Variants in CFAP61 observed in about 807,000 individuals in gnomAD.
CFAP61 encodes the protein cilia and flagella associated protein 61, also known as cilia- and flagella-associated protein 61.
Under a neutral mutation model 135.6 loss-of-function variants are expected in CFAP61, and 107 were observed. The observed-to-expected ratio is 0.79, with a 90% CI of 0.67 to 0.93. The LOEUF is 0.93. Ranked by LOEUF, CFAP61 falls within the 40% of genes least tolerant of loss-of-function variation. The pLI, the probability that CFAP61 is intolerant of heterozygous loss-of-function variation, is 0.00. For synonymous variants in CFAP61, 575 were observed against 578.5 expected (o/e 0.99, Z 0.09); for missense variants, 1,507 against 1,556.2 (o/e 0.97, Z 0.53).
chr20:20,304,880 A>AC (rs1231773382), intron 25 of CFAP61, among the ~76,000 whole-genome samples: 1 of 151,520 alleles, frequency 6.6e-6, no homozygotes, highest in Admixed American at 6.6e-5. Flanking sequence ...ATCGTCTTTC[A>AC]CCCCCACTTA....
chr20:20,111,568 G>A (rs1316065228), intron 8 of CFAP61, among the ~76,000 whole-genome samples: 1 of 152,006 alleles, frequency 6.6e-6, no homozygotes, highest in African/African-American at 2.4e-5. Flanking sequence ...TCTAATCCTT[G>A]GTCATAACCA....
intron 6 of CFAP61, chr20:20,085,579 T>C (rs2046743653): frequency 7.8e-7 from 1 of 1,285,946 alleles, no homozygotes; most frequent in Non-Finnish European, 1.1e-6. Flanking sequence ...CTGAGGTTCA[T>C]GAGCAGGCCT....
intron 13 of CFAP61, among the ~76,000 whole-genome samples, chr20:20,186,070 A>G (rs1040584): frequency 0.9 from 137,613 of 152,232 alleles, 63,029 homozygotes; most frequent in Middle Eastern, 0.99. Flanking sequence ...GTACAATTCA[A>G]TGGTTTGTAG....
At chr20:20,265,994 C>A (rs2052706841) in intron 21 of CFAP61, among the ~76,000 whole-genome samples, 1 of 152,178 alleles carries the variant, frequency 6.6e-6, no homozygotes. Context: ...CCCGTCCCCA[C>A]CTGAGCCAAG....
chr20:20,251,332 A>AACAC (rs151288479), intron 19 of CFAP61, among the ~76,000 whole-genome samples: 67 of 150,042 alleles, frequency 4.5e-4, no homozygotes, highest in Non-Finnish European at 5.9e-4. Flanking sequence ...CATACAGATA[A>AACAC]ACACACACAC....
At chr20:20,140,713 G>C (rs964018506) in intron 8 of CFAP61, among the ~76,000 whole-genome samples, 3 of 80,500 alleles carry the variant, frequency 3.7e-5, no homozygotes, top group African/African-American at 1.0e-4. Flanking sequence ...CCCATTACTG[G>C]GTATATACCC....
At chr20:20,124,295 G>A (rs990174490) in intron 8 of CFAP61, among the ~76,000 whole-genome samples, 1 of 151,636 alleles carries the variant, frequency 6.6e-6, no homozygotes, top group African/African-American at 2.4e-5. Context: ...AGTGGTGAGA[G>A]TGGGCATCCT....
intron 18 of CFAP61, among the ~76,000 whole-genome samples, chr20:20,244,939 C>A (rs1038183651): frequency 6.6e-6 from 1 of 152,242 alleles, no homozygotes; most frequent in Non-Finnish European, 1.5e-5. Flanking sequence ...AGGGCAGGGG[C>A]AAAATGCCAC....
chr20:20,102,202 T>A (rs1411299982), intron 8 of CFAP61, among the ~76,000 whole-genome samples: 1 of 152,342 alleles, frequency 6.6e-6, no homozygotes, highest in African/African-American at 2.4e-5. Flanking sequence ...TGGTGCTTTC[T>A]CCATTGACTC....
At chr20:20,169,134 G>T (rs546675269) in intron 12 of CFAP61, among the ~76,000 whole-genome samples, 187 bp from the exon 13 acceptor site, 40 of 152,076 alleles carry the variant, frequency 2.6e-4, no homozygotes, top group Non-Finnish European at 1.0e-4. Context: ...CCTTTTCCCT[G>T]CTCTTGTAGT....
intron 15 of CFAP61, among the ~76,000 whole-genome samples, chr20:20,194,220 G>A (rs6046719): frequency 0.14 from 20,910 of 151,878 alleles, 2,219 homozygotes; most frequent in East Asian, 0.56. Context: ...TGATTCTTCA[G>A]TGTCTCTAAA....
At chr20:20,058,447 A>G (rs183568791) in intron 2 of CFAP61, among the ~76,000 whole-genome samples, 13 of 152,362 alleles carry the variant, frequency 8.5e-5, no homozygotes, top group African/African-American at 2.6e-4. Context: ...GCCACATTCT[A>G]TTAATAGCAA....
At chr20:20,259,200 G>A (rs553460539) in intron 20 of CFAP61, among the ~76,000 whole-genome samples, 20 of 150,094 alleles carry the variant, frequency 1.3e-4, no homozygotes, top group Admixed American at 2.7e-4. Context: ...ACCCAGGCCC[G>A]GTAAGGTGGC....
chr20:20,310,838 C>T (rs1473950675), intron 25 of CFAP61, among the ~76,000 whole-genome samples: 1 of 152,228 alleles, frequency 6.6e-6, no homozygotes, highest in Non-Finnish European at 1.5e-5. Context: ...CACAGCCAGG[C>T]TTGCCAGCAA....
At chr20:20,328,171 T>A (rs1344785008) in intron 25 of CFAP61, among the ~76,000 whole-genome samples, 2 of 152,158 alleles carry the variant, frequency 1.3e-5, no homozygotes, top group African/African-American at 4.8e-5. Context: ...ATCATGTAGA[T>A]CATGTGGAGG....
intron 11 of CFAP61, among the ~76,000 whole-genome samples, chr20:20,165,822 A>G (rs1353187741): frequency 6.6e-6 from 1 of 152,106 alleles, no homozygotes; most frequent in Non-Finnish European, 1.5e-5. Flanking sequence ...TTCTATGGAG[A>G]TCTGGGACAT....
chr20:20,074,820 C>T (rs754582935), intron 4 of CFAP61, among the ~76,000 whole-genome samples: 2 of 152,164 alleles, frequency 1.3e-5, no homozygotes, highest in Non-Finnish European at 2.9e-5. Context: ...CCTCTGACAG[C>T]CTGCACAGAC....
intron 8 of CFAP61, among the ~76,000 whole-genome samples, chr20:20,118,259 T>TTCTTTCTTTCTTTCTTTCTG (rs2049307811): frequency 1.6e-5 from 1 of 60,728 alleles, no homozygotes; most frequent in Non-Finnish European, 4.7e-5. Context: ...GTATGTTTCT[T>TTCTTTCTTTCTTTCTTTCTG]TCTTTCTTTC....
chr20:20,134,165 C>G (rs2146727570), intron 8 of CFAP61, among the ~76,000 whole-genome samples: 1 of 152,328 alleles, frequency 6.6e-6, no homozygotes, highest in East Asian at 1.9e-4. Context: ...CCTAAGTCAT[C>G]TTGAGAGCAT....
Sources: allele counts gnomAD v4.1 joint callset (sites outside exome capture counted in the v4.1 genomes callset), GRCh38; gene constraint gnomAD v4.1.1; transcripts MANE v1.5; gene names NCBI Gene and HGNC (gene_info 2026-07-23, HGNC 2026-07-21).